The following CACNG4 variants were observed in gnomAD, a reference collection of about 807,000 sequenced individuals.
The protein encoded by CACNG4 is voltage-dependent calcium channel gamma-4 subunit.
CACNG4 carries 8 observed loss-of-function variants against 22.9 expected under a neutral mutation model. The observed-to-expected ratio is 0.35, with a 90% confidence interval of 0.21 to 0.63. The LOEUF (loss-of-function observed/expected upper bound fraction) is 0.63, where lower values mean the gene tolerates loss of function less well. Among genes scored for constraint, CACNG4 ranks in the 30% least tolerant of loss-of-function variants. The pLI is 0.72. For synonymous variants in CACNG4, 188 were observed against 191.9 expected, an observed-to-expected ratio of 0.98 and a Z score of 0.17; for missense variants, 357 against 455.4, an observed-to-expected ratio of 0.78 and a Z score of 1.97.
intron 1 of CACNG4, among the ~76,000 whole-genome samples, chr17:66,979,737 T>C (rs576690135): frequency 6.7e-6 from 1 of 149,506 alleles, no homozygotes; most frequent in East Asian, 2.0e-4. Context: ...GTGTTTGTTC[T>C]TTTCATGCTT....
rs1283768284 is a variant in CACNG4, at chr17:67,032,684, C to T, written c.*1680C>T. 1 of 154,148 alleles carries T rather than the reference C, an allele frequency of 6.5e-6. No homozygotes were observed. Among genetic ancestry groups the T allele is most frequent in the Non-Finnish European group, 1.4e-5 (1 of 69,412 alleles). The allele number at this position is 154,148 out of a possible 1,614,324, so 9.5% of individuals were successfully genotyped here. A position where few individuals can be genotyped will look rare whatever the true frequency, so the allele number is the denominator to read the frequency against. ...GATCTGAAATGAGGCCTGCCAGGGC[C>T]CCTGTGTGCTGTGCTCCAGAGCCTT... On this transcript the variant is annotated 3_prime_UTR_variant, in exon 4 of 4. Coordinates refer to ENST00000262138, the MANE Select transcript of CACNG4 (RefSeq NM_014405.4).
intron 2 of CACNG4, among the ~76,000 whole-genome samples, chr17:67,023,368 C>T (rs1161060770): frequency 1.0e-4 from 15 of 149,998 alleles, no homozygotes; most frequent in African/African-American, 2.9e-4. Context: ...CTCCGCCTCC[C>T]GGGTTCACGC....
intron 1 of CACNG4, among the ~76,000 whole-genome samples, chr17:67,017,207 G>C (rs2035503671): frequency 6.6e-6 from 1 of 152,074 alleles, no homozygotes; most frequent in Admixed American, 6.5e-5. Context: ...CTCCCGAGTA[G>C]CTGGGATTAC....
At chr17:66,995,687 TA>T (rs2035369678) in intron 1 of CACNG4, among the ~76,000 whole-genome samples, 1 of 152,024 alleles carries the variant, frequency 6.6e-6, no homozygotes, top group Admixed American at 6.5e-5. Context: ...CCGTCTCTAC[TA>T]AAAATACAAA....
chr17:67,008,530 T>G (rs772672734), intron 1 of CACNG4, among the ~76,000 whole-genome samples: 2 of 152,150 alleles, frequency 1.3e-5, no homozygotes, highest in Non-Finnish European at 2.9e-5. Flanking sequence ...CTTGGAGCAC[T>G]GGCTGGTGGG....
At chr17:67,015,185 C>T (rs2035489855) in intron 1 of CACNG4, among the ~76,000 whole-genome samples, 1 of 152,164 alleles carries the variant, frequency 6.6e-6, no homozygotes, top group Non-Finnish European at 1.5e-5. Flanking sequence ...CAGAATTCCG[C>T]TCAGAAATAA....
At chr17:66,967,257 G>A (rs2143265578) in intron 1 of CACNG4, among the ~76,000 whole-genome samples, 1 of 152,304 alleles carries the variant, frequency 6.6e-6, no homozygotes, top group South Asian at 2.1e-4. Flanking sequence ...ACTAGCAGAG[G>A]GAGCCATCTG....
At chr17:67,016,207 G>T (rs1017172379) in intron 1 of CACNG4, among the ~76,000 whole-genome samples, 2 of 152,170 alleles carry the variant, frequency 1.3e-5, no homozygotes, top group African/African-American at 4.8e-5. Context: ...AGGATATAAG[G>T]GCTGTGGCTC....
intron 2 of CACNG4, among the ~76,000 whole-genome samples, chr17:67,019,772 G>A (rs1032271938): frequency 1.3e-5 from 2 of 152,180 alleles, no homozygotes; most frequent in Non-Finnish European, 2.9e-5. Flanking sequence ...GGTTATGGGC[G>A]TTGGTGCTGG....
chr17:66,969,339 G>A (rs564987209), intron 1 of CACNG4, among the ~76,000 whole-genome samples: 46 of 152,298 alleles, frequency 3.0e-4, no homozygotes, highest in African/African-American at 8.9e-4. Context: ...CGCCTCAGCC[G>A]TGCCCCTCCC....
rs1277329341 is a variant in CACNG4, at chr17:67,031,972, T to C, written c.*968T>C. ...GAAAGGGAGACCTAAGGGTGAACAGTGGCCAATAAAAACCCTAGAGAACAA... is the reference window on the plus strand; with the variant it reads ...GAAAGGGAGACCTAAGGGTGAACAGCGGCCAATAAAAACCCTAGAGAACAA... On this transcript the variant is annotated 3_prime_UTR_variant, in exon 4 of 4. Transcript: ENST00000262138. The surrounding 1 kb of genome is among the most constrained non-coding windows in gnomAD (Gnocchi z 4.0). The C allele has an allele frequency of 2.2e-6, 1 of 456,644 alleles. No individual in the cohort carries two copies. Among genetic ancestry groups the C allele is most frequent in the South Asian group, 1.5e-5 (1 of 64,558 alleles). 28.3% of individuals were successfully genotyped at this position (456,644 alleles called of 1,614,324 possible).
Position 67,031,368 on chromosome 17 carries a change from CG to C in CACNG4, c.*367del, listed in dbSNP as rs1324600502. On this transcript the variant is annotated 3_prime_UTR_variant, in exon 4 of 4. Coordinates refer to ENST00000262138, the MANE Select transcript of CACNG4 (RefSeq NM_014405.4). This position sits in a 1 kb window ranked among gnomAD's most constrained non-coding sequence, Gnocchi z 4.0. ...TTGGAAACGAATCTTGCCAGAAAAA[CG>C]GGATTTCAGGGCCTTCCCTCCCTGC... The C allele has an allele frequency of 8.3e-6, 4 of 479,568 alleles. No homozygotes were observed. The highest frequency in any genetic ancestry group is 5.9e-5 in the African/African-American group (3 of 51,092). The allele number at this position is 479,568 out of a possible 1,614,324, so 29.7% of individuals were successfully genotyped here.
At chr17:66,981,663 G>A (rs1303830728) in intron 1 of CACNG4, among the ~76,000 whole-genome samples, 2 of 152,132 alleles carry the variant, frequency 1.3e-5, no homozygotes, top group Non-Finnish European at 2.9e-5. Flanking sequence ...GGCGAGCCCG[G>A]CAAGGTCCCC....
At chr17:67,002,768 T>G (rs1182074397) in intron 1 of CACNG4, among the ~76,000 whole-genome samples, 1 of 152,246 alleles carries the variant, frequency 6.6e-6, no homozygotes, top group East Asian at 1.9e-4. Flanking sequence ...TTGCCCTCTC[T>G]GAACCTTGGC....
At chr17:67,029,135 C>A (rs976239696) in intron 3 of CACNG4, among the ~76,000 whole-genome samples, 2 of 150,374 alleles carry the variant, frequency 1.3e-5, no homozygotes, top group Admixed American at 1.3e-4. Context: ...GAGTTTGAGA[C>A]CAGCCTAGCC....
intron 1 of CACNG4, among the ~76,000 whole-genome samples, chr17:66,987,335 A>C (rs2035310967): frequency 6.6e-6 from 1 of 152,220 alleles, no homozygotes; most frequent in Non-Finnish European, 1.5e-5. Context: ...CAATAGAGTC[A>C]ACATATCACC....
At position 66,964,809 on chromosome 17, in the gene CACNG4, T is replaced by A; in HGVS notation, c.-103T>A. 59 of 350,372 alleles carry A rather than the reference T, an allele frequency of 1.7e-4. No homozygotes were observed. The highest frequency in any genetic ancestry group is 2.0e-4 in the Non-Finnish European group (52 of 258,664). 21.7% of individuals were successfully genotyped at this position (350,372 alleles called of 1,614,324 possible). A position where few individuals can be genotyped will look rare whatever the true frequency, so the allele number is the denominator to read the frequency against. On this transcript the variant is annotated 5_prime_UTR_variant, in exon 1 of 4. Coordinates refer to ENST00000262138, the MANE Select transcript of CACNG4 (RefSeq NM_014405.4). ...GCAGCGCGGCGCCGCCCCCCGGCCC[T>A]CGGCCCCCCAACCCCGGCGCCCCCG... is the stretch of plus-strand genomic sequence containing the variant.
intron 1 of CACNG4, among the ~76,000 whole-genome samples, chr17:67,007,006 C>G (rs1035119445): frequency 1.3e-5 from 2 of 152,094 alleles, no homozygotes; most frequent in Admixed American, 6.5e-5. Flanking sequence ...AAAACCCTGT[C>G]TCCACTAAAA....
chr17:67,000,607 G>C lies in CACNG4; in HGVS notation c.221-17582G>C, dbSNP rs539019665. Among the ~76,000 whole-genome samples, 4 of 152,268 alleles carry C rather than the reference G, an allele frequency of 2.6e-5. No individual in the cohort carries two copies. In the South Asian group the frequency reaches 8.3e-4, roughly 32 times the overall value. ...GGTCTCTGGGACTGACCGGAGGAGG[G>C]AGAGACACAGGAGGACAAGTGAGGG... On this transcript the variant is annotated intron_variant, in intron 1 of 3. Transcript: ENST00000262138.
Sources: gnomAD v4.1 joint callset for allele counts (sites outside exome capture counted in the v4.1 genomes callset) on GRCh38, gnomAD v4.1.1 for gene constraint, Gnocchi (gnomAD v3.1) non-coding constraint, MANE v1.5 for transcripts, NCBI Gene and HGNC (gene_info 2026-07-23, HGNC 2026-07-21) for gene names.